Variants in OPN3 observed in about 807,000 individuals in gnomAD.
OPN3 encodes the protein opsin 3, also known as opsin-3.
In OPN3, 29 loss-of-function variants were observed where a neutral mutation model predicts 33.8. The ratio of observed to expected loss-of-function variants is 0.86; its 90% CI spans 0.64 to 1.17. The LOEUF (loss-of-function observed/expected upper bound fraction) is 1.17. Ranked by LOEUF, OPN3 falls within the 50% of genes most tolerant of loss-of-function variation. The pLI is 0.00. For missense variants in OPN3, 437 were observed against 514.1 expected (o/e 0.85, Z 1.45); for synonymous variants, 216 against 216.1 (o/e 1.00, Z 0.00).
chr1:241,618,761 A>G (rs1025500992), intron 1 of OPN3, among the ~76,000 whole-genome samples: 1 of 151,804 alleles, frequency 6.6e-6, no homozygotes, highest in African/African-American at 2.4e-5. Context: ...TTAATGTTCT[A>G]TGGAATGGTT....
intron 1 of OPN3, among the ~76,000 whole-genome samples, chr1:241,618,002 CT>C: frequency 7.1e-6 from 1 of 140,792 alleles, no homozygotes; most frequent in Admixed American, 7.0e-5. Flanking sequence ...TAATGAAGAA[CT>C]AAAAAAAATA....
chr1:241,626,806 A>G (rs1352425922), intron 1 of OPN3, among the ~76,000 whole-genome samples: 1 of 152,246 alleles, frequency 6.6e-6, no homozygotes, highest in Non-Finnish European at 1.5e-5. Context: ...GTCTCAAATG[A>G]GCAGCAATAG....
At chr1:241,637,499 G>T (rs948541004) in intron 1 of OPN3, among the ~76,000 whole-genome samples, 1 of 152,152 alleles carries the variant, frequency 6.6e-6, no homozygotes, top group African/African-American at 2.4e-5. Context: ...TTCCAGCAGG[G>T]TGTGAAGATG....
At chr1:241,600,162 A>G (rs1038935612) in intron 2 of OPN3, among the ~76,000 whole-genome samples, 10 of 152,250 alleles carry the variant, frequency 6.6e-5, no homozygotes, top group Non-Finnish European at 1.3e-4. Context: ...TGCTGGGGAA[A>G]TTAATTTAAA....
intron 1 of OPN3, chr1:241,631,347 C>A (rs990294143): frequency 1.4e-4 from 22 of 151,970 alleles, no homozygotes; most frequent in African/African-American, 5.3e-4. Context: ...ATCTGTGATA[C>A]TGAAAATCTT....
At chr1:241,614,842 A>G (rs1213527503) in intron 1 of OPN3, among the ~76,000 whole-genome samples, 3 of 152,186 alleles carry the variant, frequency 2.0e-5, no homozygotes, top group African/African-American at 4.8e-5. Flanking sequence ...GTTTGGACAG[A>G]TATCCTAGCC....
chr1:241,607,625 A>G (rs1663871059), intron 1 of OPN3, among the ~76,000 whole-genome samples: 1 of 151,040 alleles, frequency 6.6e-6, no homozygotes, highest in Non-Finnish European at 1.5e-5. Flanking sequence ...AGGAAGGAAG[A>G]AAAAGAAAAA....
intron 2 of OPN3, among the ~76,000 whole-genome samples, chr1:241,598,279 G>T (rs1346439608): frequency 6.6e-6 from 1 of 152,040 alleles, no homozygotes; most frequent in African/African-American, 2.4e-5. Context: ...TACTTAATAA[G>T]AATAACATTA....
chr1:241,630,797 T>C (rs887845883), intron 1 of OPN3: 3 of 152,084 alleles, frequency 2.0e-5, no homozygotes, highest in African/African-American at 7.2e-5. Flanking sequence ...TGATGAATTT[T>C]TGAAAAGTTA....
intron 2 of OPN3, among the ~76,000 whole-genome samples, chr1:241,600,101 C>T (rs1226321172): frequency 2.6e-5 from 4 of 152,138 alleles, no homozygotes; most frequent in African/African-American, 7.2e-5. Context: ...TATCCCCTCT[C>T]GCCATTTATC....
At chr1:241,615,404 C>T (rs1664099408) in intron 1 of OPN3, among the ~76,000 whole-genome samples, 1 of 152,082 alleles carries the variant, frequency 6.6e-6, no homozygotes, top group Non-Finnish European at 1.5e-5. Context: ...TGATAACCTA[C>T]CACAGTATGC....
chr1:241,640,299 G>C lies in OPN3; in HGVS notation c.-45C>G. 16 of 1,122,308 alleles carry C rather than the reference G, an allele frequency of 1.4e-5. No individual in the cohort carries two copies. Among genetic ancestry groups the C allele is most frequent in the Non-Finnish European group, 1.6e-5 (15 of 921,442 alleles). 69.5% of individuals were successfully genotyped at this position (1,122,308 alleles called of 1,614,324 possible). A position where few individuals can be genotyped will look rare whatever the true frequency, so the allele number is the denominator to read the frequency against. ...TGGCGGGCGGAGGCGCTCAGCTTGC[G>C]GCGGGGCTCGCGGCGCGCTCCGCAC... On this transcript the variant is annotated 5_prime_UTR_variant, in exon 1 of 4. Coordinates refer to ENST00000366554, the MANE Select transcript of OPN3 (RefSeq NM_014322.3).
chr1:241,634,811 T>C (rs752149615), intron 1 of OPN3: 1 of 1,613,758 alleles, frequency 6.2e-7, no homozygotes, highest in South Asian at 1.1e-5. Context: ...AAATGAACAC[T>C]GCCTGAAAGC....
rs1020714802 is a variant in OPN3 at position 241,640,288 on chromosome 1, G to T, written c.-34C>A. ...GCCGGCGCGCCTGGCGGGCGGAGGCGCTCAGCTTGCGGCGGGGCTCGCGGC... is the reference window on the plus strand; with the variant it reads ...GCCGGCGCGCCTGGCGGGCGGAGGCTCTCAGCTTGCGGCGGGGCTCGCGGC... On this transcript the variant is annotated 5_prime_UTR_variant, in exon 1 of 4. Transcript: ENST00000366554. 3.5e-6 allele frequency: 4 copies of T among 1,150,642 alleles called. No homozygotes were observed. The African/African-American group carries it at 4.9e-5, about 14-fold the overall frequency. The allele number at this position is 1,150,642 out of a possible 1,614,324, so 71.3% of individuals were successfully genotyped here.
At position 241,594,288 on chromosome 1, in the gene OPN3, T is replaced by C; in HGVS notation, c.*140A>G. ...AACCTCTTCCTGAGGCCCAAGAGCA[T>C]ATGGGCAATTCGGATTTCCTGCTGG... On this transcript the variant is annotated 3_prime_UTR_variant, in exon 4 of 4. Transcript: ENST00000366554. 1.1e-6 allele frequency: 1 copy of C among 892,606 alleles called. No individual in the cohort carries two copies. 55.3% of individuals were successfully genotyped at this position (892,606 alleles called of 1,614,324 possible). A position where few individuals can be genotyped will look rare whatever the true frequency, so the allele number is the denominator to read the frequency against.
intron 1 of OPN3, among the ~76,000 whole-genome samples, chr1:241,623,157 T>C (rs1229948345): frequency 6.6e-6 from 1 of 152,124 alleles, no homozygotes; most frequent in Non-Finnish European, 1.5e-5. Context: ...GGGTGGGAGT[T>C]ACTATGCCAA....
rs1314126541 is a variant in OPN3 at position 241,639,903 on chromosome 1, C to A, written c.352G>T (p.Gly118Trp). 15 of 1,591,480 alleles carry A rather than the reference C, an allele frequency of 9.4e-6. No homozygotes were observed. The highest frequency in any genetic ancestry group is 1.3e-5 in the Non-Finnish European group (15 of 1,169,340). Residue 118 changes from glycine to tryptophan, a missense_variant, in exon 1 of 4, where the codon GGG (glycine) becomes TGG (tryptophan). By Grantham distance (184) the Gly-to-Trp change is radical. Transcript: ENST00000366554. ...TCACCGAAGAGGCTGCCGCTAAACC[C>A]GTCCCACACGCAGCCCACGGTGTCC... is the stretch of plus-strand genomic sequence containing the variant. ...VWDTVGCVWD[G>W]FSGSLFGIVS...
rs1291916004 is a variant in OPN3, at chr1:241,594,028, A to T, written c.*400T>A. 2 of 177,026 alleles carry T rather than the reference A, an allele frequency of 1.1e-5. No individual in the cohort carries two copies. The highest frequency in any genetic ancestry group is 1.1e-4 in the Admixed American group (2 of 17,572). The allele number at this position is 177,026 out of a possible 1,614,324, so 11.0% of individuals were successfully genotyped here. A position where few individuals can be genotyped will look rare whatever the true frequency, so the allele number is the denominator to read the frequency against. Reference sequence around the variant, plus strand: ...AATAGAGTCCAACAGTACAAAAAAAATTCAGTATGTTCTAGCTACTTCACA... The same window carrying T: ...AATAGAGTCCAACAGTACAAAAAAATTTCAGTATGTTCTAGCTACTTCACA... On this transcript the variant is annotated 3_prime_UTR_variant, in exon 4 of 4. Transcript: ENST00000366554.
At position 241,634,298 on chromosome 1, in the gene OPN3, C is replaced by T. The variant is rs139853468; in HGVS notation, c.373+5584G>A. Reference sequence around the variant, plus strand: ...GGTTGAAGAACATAATTCTGTGACCCGTACAGCACAAGCTCCTGGCTCTGC... The same window carrying T: ...GGTTGAAGAACATAATTCTGTGACCTGTACAGCACAAGCTCCTGGCTCTGC... On this transcript the variant is annotated intron_variant, in intron 1 of 3. Coordinates refer to ENST00000366554, the MANE Select transcript of OPN3 (RefSeq NM_014322.3). 148 of 1,613,746 alleles carry T rather than the reference C, an allele frequency of 9.2e-5. No individual in the cohort carries two copies. Among genetic ancestry groups the T allele is most frequent in the Middle Eastern group, 1.6e-4 (1 of 6,084 alleles).
Sources: gnomAD v4.1 joint callset for allele counts (sites outside exome capture counted in the v4.1 genomes callset) on GRCh38, gnomAD v4.1.1 for gene constraint, MANE v1.5 for transcripts, NCBI Gene and HGNC (gene_info 2026-07-23, HGNC 2026-07-21) for gene names.